Variants in PTCHD4 observed in about 807,000 individuals in gnomAD.
PTCHD4 encodes patched domain containing 4.
In PTCHD4, 33 loss-of-function variants were observed where a neutral mutation model predicts 58.1. The ratio of observed to expected loss-of-function variants is 0.57; its 90% CI spans 0.43 to 0.76. The LOEUF is 0.76. Among genes scored for constraint, PTCHD4 ranks in the 30% least tolerant of loss-of-function variants. The probability of loss-of-function intolerance (pLI) is 0.00; values close to 1 mark genes in which losing one functional copy is unlikely to be tolerated. For synonymous variants in PTCHD4, 478 were observed against 409.6 expected (o/e 1.17, Z -2.02); for missense variants, 1,058 against 1,027.1 (o/e 1.03, Z -0.41).
intron 3 of PTCHD4, among the ~76,000 whole-genome samples, chr6:48,014,001 C>G (rs747219421): frequency 2.0e-5 from 3 of 152,052 alleles, no homozygotes; most frequent in Non-Finnish European, 4.4e-5. Flanking sequence ...TAGCTGCTAA[C>G]TCCTCTGTTG....
At chr6:47,978,641 T>C (rs1021566159) in intron 4 of PTCHD4, among the ~76,000 whole-genome samples, 1 of 152,156 alleles carries the variant, frequency 6.6e-6, no homozygotes, top group Non-Finnish European at 1.5e-5. Flanking sequence ...GCACTTTACA[T>C]AAGTTTTCTC....
intron 4 of PTCHD4, chr6:47,901,485 C>T: frequency 1.0e-6 from 1 of 980,672 alleles, no homozygotes; most frequent in Middle Eastern, 5.3e-4. Flanking sequence ...CACATCTAAA[C>T]TTCATCAGTC....
intron 4 of PTCHD4, among the ~76,000 whole-genome samples, chr6:47,890,480 A>G (rs996119977): frequency 2.0e-5 from 3 of 152,226 alleles, no homozygotes; most frequent in Non-Finnish European, 2.9e-5. Flanking sequence ...CTGTTTCCTC[A>G]TCTGTAAAAA....
At chr6:47,986,818 TA>T (rs1768082076) in intron 4 of PTCHD4, among the ~76,000 whole-genome samples, 1 of 152,184 alleles carries the variant, frequency 6.6e-6, no homozygotes, top group African/African-American at 2.4e-5. Flanking sequence ...AGAATAAGGT[TA>T]CCAGTGATAT....
rs1045558456 is a variant in PTCHD4, at chr6:47,859,780, T to C, written c.*18523A>G. ...CAGGAAAGGCCTCTCTAATGCATACTTATTTAATATTTAAGAAGAAACCAA... is the reference window on the plus strand; with the variant it reads ...CAGGAAAGGCCTCTCTAATGCATACCTATTTAATATTTAAGAAGAAACCAA... On this transcript the variant is annotated 3_prime_UTR_variant, in exon 5 of 5. Coordinates refer to ENST00000339488, the MANE Select transcript of PTCHD4 (RefSeq NM_001384253.1). Among the ~76,000 whole-genome samples the C allele has an allele frequency of 6.6e-6, 1 of 152,052 alleles. No individual in the cohort carries two copies. Among genetic ancestry groups the C allele is most frequent in the Admixed American group, 6.6e-5 (1 of 15,240 alleles).
chr6:48,108,342 A>G (rs1200512885), intron 1 of PTCHD4, among the ~76,000 whole-genome samples: 1 of 152,150 alleles, frequency 6.6e-6, no homozygotes, highest in Admixed American at 6.6e-5. Context: ...TCAGCAAACT[A>G]TCGCAAGGAC....
chr6:47,934,134 T>A (rs1213913948), intron 4 of PTCHD4, among the ~76,000 whole-genome samples: 1 of 152,078 alleles, frequency 6.6e-6, no homozygotes, highest in Non-Finnish European at 1.5e-5. Flanking sequence ...CAGGCGAAAC[T>A]CCAACTAGCT....
intron 4 of PTCHD4, among the ~76,000 whole-genome samples, chr6:47,884,092 ATGTGTGTG>A (rs151246264): frequency 6.7e-6 from 1 of 149,850 alleles, no homozygotes; most frequent in East Asian, 2.0e-4. Context: ...TTATGTATGT[ATGTGTGTG>A]TGTGTGTGTG....
chr6:47,934,819 T>C (rs1029666186), intron 4 of PTCHD4, among the ~76,000 whole-genome samples: 3 of 152,200 alleles, frequency 2.0e-5, no homozygotes, highest in African/African-American at 7.2e-5. Context: ...AGATATTATT[T>C]GTATATGACT....
intron 1 of PTCHD4, among the ~76,000 whole-genome samples, 75 bp downstream of exon 1, chr6:48,110,974 G>C (rs1481349684): frequency 6.6e-6 from 1 of 151,832 alleles, no homozygotes; most frequent in East Asian, 1.9e-4. Context: ...ATTGTTCACT[G>C]TTCTGTGATT....
chr6:47,943,649 A>G (rs1766314299), intron 4 of PTCHD4, among the ~76,000 whole-genome samples: 1 of 152,056 alleles, frequency 6.6e-6, no homozygotes, highest in Non-Finnish European at 1.5e-5. Flanking sequence ...GTTTTATTGG[A>G]ACATAGCCAA....
chr6:48,051,734 A>G (rs1764241928), intron 3 of PTCHD4, among the ~76,000 whole-genome samples: 1 of 152,020 alleles, frequency 6.6e-6, no homozygotes, highest in Non-Finnish European at 1.5e-5. Context: ...GCAGCTCTCC[A>G]TTGACCTCAA....
At chr6:47,886,968 T>C (rs1764212861) in intron 4 of PTCHD4, among the ~76,000 whole-genome samples, 1 of 152,172 alleles carries the variant, frequency 6.6e-6, no homozygotes, top group East Asian at 1.9e-4. Flanking sequence ...TGCCCGTTGG[T>C]GGGCCCATCT....
chr6:47,971,136 T>C (rs1279480591), intron 4 of PTCHD4, among the ~76,000 whole-genome samples: 1 of 151,850 alleles, frequency 6.6e-6, no homozygotes. Context: ...GTCGGAACAC[T>C]GAAACCCAAA....
chr6:47,988,613 C>A (rs1015461844), intron 4 of PTCHD4, among the ~76,000 whole-genome samples: 20 of 152,202 alleles, frequency 1.3e-4, no homozygotes, highest in Admixed American at 3.3e-4. Context: ...TTTCCCCATA[C>A]TGTTCTTGTG....
At chr6:48,062,133 G>T (rs332567) in intron 3 of PTCHD4, among the ~76,000 whole-genome samples, 21 of 152,012 alleles carry the variant, frequency 1.4e-4, no homozygotes, top group African/African-American at 3.9e-4. Flanking sequence ...CATACACAAT[G>T]TATTTTGAAA....
At chr6:47,890,524 T>C (rs1764344794) in intron 4 of PTCHD4, among the ~76,000 whole-genome samples, 2 of 152,200 alleles carry the variant, frequency 1.3e-5, no homozygotes, top group South Asian at 2.1e-4. Context: ...ATGGGATTGT[T>C]AGGCGTTTTA....
intron 4 of PTCHD4, among the ~76,000 whole-genome samples, chr6:47,920,859 G>C (rs777816803): frequency 3.3e-5 from 5 of 152,100 alleles, no homozygotes; most frequent in Non-Finnish European, 7.4e-5. Flanking sequence ...ATAAGATAAG[G>C]AAATTGGGGA....
At chr6:47,908,696 G>A (rs1051740543) in intron 4 of PTCHD4, among the ~76,000 whole-genome samples, 1 of 152,062 alleles carries the variant, frequency 6.6e-6, no homozygotes, top group Non-Finnish European at 1.5e-5. Flanking sequence ...GTTTTCTTAA[G>A]GAATGTCATG....
Sources: allele counts gnomAD v4.1 joint callset (sites outside exome capture counted in the v4.1 genomes callset), GRCh38; gene constraint gnomAD v4.1.1; transcripts MANE v1.5; gene names NCBI Gene and HGNC (gene_info 2026-07-23, HGNC 2026-07-21).